Variants in OR1F1 observed in about 807,000 individuals in gnomAD.
OR1F1 encodes the protein olfactory receptor family 1 subfamily F member 1.
For missense variants in OR1F1, 493 were observed against 376.3 expected, an observed-to-expected ratio of 1.31 and a Z score of -2.57; for synonymous variants, 184 against 156.7, an observed-to-expected ratio of 1.17 and a Z score of -1.30.
chr16:3,200,474 G>C (rs1438284633), upstream of OR1F1, among the ~76,000 whole-genome samples: 1 of 152,084 alleles, frequency 6.6e-6, no homozygotes, highest in African/African-American at 2.4e-5. Flanking sequence ...GGACATGGCA[G>C]TGCATGCCTG....
the OR1F1 span, among the ~76,000 whole-genome samples, chr16:3,190,227 T>C: frequency 6.6e-6 from 1 of 152,170 alleles, no homozygotes; most frequent in African/African-American, 2.4e-5. Flanking sequence ...CACCTGCGTG[T>C]AGCCTCTTGG....
At chr16:3,205,357 C>T (rs1958193976), downstream of OR1F1, among the ~76,000 whole-genome samples, 1 of 152,092 alleles carries the variant, frequency 6.6e-6, no homozygotes, top group South Asian at 2.1e-4. Context: ...GCTCTGTCAC[C>T]CAGGCTGGAG....
At chr16:3,199,232 G>A in the OR1F1 span, among the ~76,000 whole-genome samples, 1 of 151,382 alleles carries the variant, frequency 6.6e-6, no homozygotes, top group Non-Finnish European at 1.5e-5. Flanking sequence ...GAGCCTGGAA[G>A]GTTGAGACTT....
upstream of OR1F1, among the ~76,000 whole-genome samples, chr16:3,200,464 G>C (rs890595019): frequency 2.0e-5 from 3 of 152,076 alleles, no homozygotes; most frequent in African/African-American, 7.2e-5. Flanking sequence ...AAAATTAGCC[G>C]GACATGGCAG....
rs754737690 is a variant in OR1F1 at position 3,204,801 on chromosome 16, G to A, written c.555G>A (p.Leu185=). Residue 185 remains leucine (L), a synonymous_variant, in exon 1 of 1, where the codon CTG becomes CTA. Coordinates refer to ENST00000304646, the Ensembl canonical transcript of OR1F1. ...TCTTCTGCGATGTGACTCCCCTACTGAAACTCTCCTGCTCAGACACACACC... is the reference window on the plus strand; with the variant it reads ...TCTTCTGCGATGTGACTCCCCTACTAAAACTCTCCTGCTCAGACACACACC... 9 of 1,613,958 alleles carry A rather than the reference G, an allele frequency of 5.6e-6. No individual in the cohort carries two copies. In the East Asian group the frequency reaches 6.7e-5, roughly 12 times the overall value.
At chr16:3,190,684 G>C in the OR1F1 span, among the ~76,000 whole-genome samples, 1 of 151,380 alleles carries the variant, frequency 6.6e-6, no homozygotes, top group African/African-American at 2.4e-5. Flanking sequence ...CCCGGAGATG[G>C]GGGTTGCAGT....
the OR1F1 span, chr16:3,191,457 C>G: frequency 6.6e-6 from 1 of 152,156 alleles, no homozygotes; most frequent in Non-Finnish European, 1.5e-5. Flanking sequence ...CTACTATTCT[C>G]ATGCCACCCC....
chr16:3,189,436 C>G, the OR1F1 span, among the ~76,000 whole-genome samples: 1 of 152,202 alleles, frequency 6.6e-6, no homozygotes. Context: ...GTGGTAGCGC[C>G]AGGGCTGCTC....
At chr16:3,198,085 AGGAGAGGGAGAG>A in the OR1F1 span, among the ~76,000 whole-genome samples, 1 of 61,376 alleles carries the variant, frequency 1.6e-5, no homozygotes, top group Non-Finnish European at 3.3e-5. Context: ...GAGAGGGAGA[AGGAGAGGGAGAG>A]GGAGAAGGAG....
chr16:3,194,120 G>A, the OR1F1 span, among the ~76,000 whole-genome samples: 1 of 152,170 alleles, frequency 6.6e-6, no homozygotes, highest in South Asian at 2.1e-4. Context: ...AAGAAAAACA[G>A]GGCATTAAAC....
chr16:3,196,693 AT>A, the OR1F1 span, among the ~76,000 whole-genome samples: 2 of 147,778 alleles, frequency 1.4e-5, no homozygotes. Context: ...TGGCGGTGAA[AT>A]TAATCTTTTT....
chr16:3,194,664 A>G, the OR1F1 span, among the ~76,000 whole-genome samples: 1 of 152,198 alleles, frequency 6.6e-6, no homozygotes, highest in Admixed American at 6.6e-5. Flanking sequence ...AGATTCTAGT[A>G]AAATGGAAAA....
At chr16:3,201,969 G>A (rs1234903929), upstream of OR1F1, among the ~76,000 whole-genome samples, 1 of 152,168 alleles carries the variant, frequency 6.6e-6, no homozygotes, top group Admixed American at 6.5e-5. Context: ...TCAGCACACT[G>A]CCTATGGGGG....
downstream of OR1F1, among the ~76,000 whole-genome samples, chr16:3,205,423 C>T (rs920759994): frequency 6.6e-6 from 1 of 152,114 alleles, no homozygotes; most frequent in Non-Finnish European, 1.5e-5. Flanking sequence ...TCAAGTGATC[C>T]TCCTGCCTCA....
chr16:3,191,496 G>A, the OR1F1 span, among the ~76,000 whole-genome samples: 17 of 152,236 alleles, frequency 1.1e-4, no homozygotes, highest in African/African-American at 3.6e-4. Flanking sequence ...AACGTTCCCA[G>A]GGAAGCCCGG....
At chr16:3,199,780 C>T (rs1958115243), upstream of OR1F1, among the ~76,000 whole-genome samples, 1 of 152,072 alleles carries the variant, frequency 6.6e-6, no homozygotes, top group Admixed American at 6.6e-5. Context: ...CTTTGAGAGG[C>T]CAAGGCGGGC....
rs531758693 is a variant in OR1F1 at position 3,204,403 on chromosome 16, T to C, written c.157T>C (p.Ser53Pro). 105 of 1,614,102 alleles carry C rather than the reference T, an allele frequency of 6.5e-5. No individual in the cohort carries two copies. In the South Asian group the frequency reaches 1.1e-3, roughly 18 times the overall value. Residue 53 changes from serine to proline, a missense_variant, in exon 1 of 1, where the codon TCC becomes CCC. By Grantham distance (74) the Ser-to-Pro change is moderately conservative. Transcript: ENST00000304646. The stretch of plus-strand genomic sequence containing the variant: ...CATCATCCTGTCCGTAAGCATAGAC[T>C]CCTGCCTGCACACCCCCATGTACTT...
At chr16:3,200,171 A>C (rs1339713086), upstream of OR1F1, among the ~76,000 whole-genome samples, 2 of 152,062 alleles carry the variant, frequency 1.3e-5, no homozygotes, top group Non-Finnish European at 2.9e-5. Context: ...ATTCATAAGG[A>C]GATGAGAGAG....
exon 1 of OR1F1, chr16:3,204,848 G>A: frequency 6.2e-7 from 1 of 1,614,076 alleles, no homozygotes; most frequent in Non-Finnish European, 8.5e-7. Context: ...ATAATCCTTA[G>A]TGAGGGTGCC....
Sources: gnomAD v4.1 joint callset for allele counts (sites outside exome capture counted in the v4.1 genomes callset) on GRCh38, gnomAD v4.1.1 for gene constraint, MANE v1.5 for transcripts, NCBI Gene and HGNC (gene_info 2026-07-23, HGNC 2026-07-21) for gene names.